Variants in CAMTA1 observed in about 807,000 individuals in gnomAD.
CAMTA1 encodes the protein calmodulin-binding transcription activator 1.
Under a neutral mutation model 170.9 loss-of-function variants are expected in CAMTA1, and 27 were observed. The observed-to-expected ratio is 0.16, with a 90% CI of 0.12 to 0.22. The LOEUF (loss-of-function observed/expected upper bound fraction) is 0.22, where lower values mean the gene tolerates loss of function less well. Among genes scored for constraint, CAMTA1 ranks in the 10% least tolerant of loss-of-function variants. CAMTA1 has a pLI of 1.00. For synonymous variants in CAMTA1, 833 were observed against 891.5 expected, an observed-to-expected ratio of 0.93 and a Z score of 1.17; for missense variants, 1,619 against 2,217.2, an observed-to-expected ratio of 0.73 and a Z score of 5.42.
intron 4 of CAMTA1, among the ~76,000 whole-genome samples, chr1:7,232,821 G>T (rs907941047): frequency 6.6e-6 from 1 of 152,114 alleles, no homozygotes; most frequent in Non-Finnish European, 1.5e-5. Flanking sequence ...GTTTTCATCC[G>T]AATGGCTCCA....
chr1:6,919,847 A>G (rs554581679), intron 3 of CAMTA1, among the ~76,000 whole-genome samples: 1 of 152,228 alleles, frequency 6.6e-6, no homozygotes, highest in African/African-American at 2.4e-5. Flanking sequence ...CGCTATTACG[A>G]GAACAGCATG....
chr1:6,820,276 T>TA, intron 2 of CAMTA1, 26 bp downstream of exon 2: 1 of 1,613,502 alleles, frequency 6.2e-7, no homozygotes, highest in Non-Finnish European at 8.5e-7. Context: ...GCTTTTGACT[T>TA]ACAGGAAGGG....
intron 22 of CAMTA1, among the ~76,000 whole-genome samples, chr1:7,757,856 C>CTA (rs1296561496): frequency 2.0e-5 from 3 of 152,112 alleles, no homozygotes; most frequent in Non-Finnish European, 2.9e-5. Context: ...AAAAAAGCAG[C>CTA]TATACTCTTA....
At chr1:6,815,410 C>T (rs542757757) in intron 1 of CAMTA1, among the ~76,000 whole-genome samples, 1 of 152,266 alleles carries the variant, frequency 6.6e-6, no homozygotes, top group African/African-American at 2.4e-5. Flanking sequence ...TGCCATGTTG[C>T]CCAGGCTGGT....
At chr1:7,458,638 T>C (rs17030902) in intron 5 of CAMTA1, among the ~76,000 whole-genome samples, 4,693 of 152,304 alleles carry the variant, frequency 0.031, 115 homozygotes, top group East Asian at 0.096. Context: ...CTAGTCCCAC[T>C]TGGGGAGCCT....
intron 3 of CAMTA1, among the ~76,000 whole-genome samples, chr1:7,006,253 T>C (rs145083174): frequency 3.7e-4 from 56 of 152,342 alleles, no homozygotes; most frequent in African/African-American, 1.3e-3. Flanking sequence ...TGGTAAGATC[T>C]GGTAGGCAGA....
At chr1:7,124,937 G>T (rs1307840567) in intron 4 of CAMTA1, among the ~76,000 whole-genome samples, 1 of 152,170 alleles carries the variant, frequency 6.6e-6, no homozygotes, top group Non-Finnish European at 1.5e-5. Flanking sequence ...AGGAGATTTT[G>T]TCGGGGGAAG....
chr1:7,607,232 G>A (rs986970130), intron 6 of CAMTA1, among the ~76,000 whole-genome samples: 1 of 151,258 alleles, frequency 6.6e-6, no homozygotes, highest in Non-Finnish European at 1.5e-5. Context: ...AGGTGGATGG[G>A]CAGCTGGATG....
intron 3 of CAMTA1, among the ~76,000 whole-genome samples, chr1:6,826,473 T>G (rs1313376188): frequency 6.6e-6 from 1 of 152,226 alleles, no homozygotes; most frequent in Admixed American, 6.5e-5. Context: ...GTCTTAATCA[T>G]AGTTTGTTAC....
At chr1:7,182,042 A>C (rs539478608) in intron 4 of CAMTA1, among the ~76,000 whole-genome samples, 1 of 150,646 alleles carries the variant, frequency 6.6e-6, no homozygotes, top group Admixed American at 6.6e-5. Flanking sequence ...GAAAGTCTTG[A>C]AATAGACCCC....
At position 7,035,466 on chromosome 1, in the gene CAMTA1, G is replaced by A. The variant is rs117141620; in HGVS notation, c.235-55838G>A. On this transcript the variant is annotated intron_variant, in intron 3 of 22. Transcript: ENST00000303635. ...TTCTAAAGTAAAACTGGCAAAGCGT[G>A]TGTGCATGTGTGTGTGTTTTTCTGT... is the stretch of plus-strand genomic sequence containing the variant. 9.7e-4 allele frequency among the ~76,000 whole-genome samples: 148 copies of A among 152,294 alleles called. 4 individuals are homozygous for A. In the East Asian group the frequency reaches 0.027, roughly 28 times the overall value.
At chr1:6,881,337 T>C (rs1161079830) in intron 3 of CAMTA1, among the ~76,000 whole-genome samples, 3 of 152,170 alleles carry the variant, frequency 2.0e-5, no homozygotes, top group Non-Finnish European at 2.9e-5. Context: ...CGGGTATCTC[T>C]CATGAGGTGA....
At chr1:7,581,626 A>G (rs2095261741) in intron 6 of CAMTA1, among the ~76,000 whole-genome samples, 1 of 152,254 alleles carries the variant, frequency 6.6e-6, no homozygotes, top group African/African-American at 2.4e-5. Flanking sequence ...GGACCGGCCA[A>G]GAGTGGGCCT....
intron 3 of CAMTA1, among the ~76,000 whole-genome samples, chr1:6,924,959 G>T (rs962163548): frequency 6.6e-6 from 1 of 152,232 alleles, no homozygotes; most frequent in African/African-American, 2.4e-5. Context: ...ATATGGTTGG[G>T]GGGGACTGTG....
intron 1 of CAMTA1, among the ~76,000 whole-genome samples, chr1:6,800,038 C>T (rs180707434): frequency 2.6e-5 from 4 of 152,216 alleles, no homozygotes; most frequent in Admixed American, 2.0e-4. Flanking sequence ...TACAGACACT[C>T]AGATATCTCC....
intron 5 of CAMTA1, among the ~76,000 whole-genome samples, chr1:7,357,000 G>A (rs2085167126): frequency 6.6e-6 from 1 of 152,104 alleles, no homozygotes; most frequent in Non-Finnish European, 1.5e-5. Flanking sequence ...TCCCATCATG[G>A]GCTTTTCAAT....
intron 3 of CAMTA1, among the ~76,000 whole-genome samples, chr1:6,909,636 C>T (rs1357933409): frequency 6.6e-6 from 1 of 152,224 alleles, no homozygotes; most frequent in Non-Finnish European, 1.5e-5. Flanking sequence ...CCTAAGGGGC[C>T]TCTGCCTGCC....
At chr1:7,352,660 GC>G (rs1360249149) in intron 5 of CAMTA1, among the ~76,000 whole-genome samples, 1 of 152,172 alleles carries the variant, frequency 6.6e-6, no homozygotes, top group African/African-American at 2.4e-5. Context: ...CCTGGCCTCA[GC>G]CCAGCAGGCT....
chr1:7,105,574 C>G (rs1573088722), intron 4 of CAMTA1, among the ~76,000 whole-genome samples: 1 of 152,308 alleles, frequency 6.6e-6, no homozygotes, highest in South Asian at 2.1e-4. Flanking sequence ...AATTGGAACA[C>G]AGTTTATTAT....
Sources: allele counts gnomAD v4.1 joint callset (sites outside exome capture counted in the v4.1 genomes callset), GRCh38; gene constraint gnomAD v4.1.1; transcripts MANE v1.5; gene names NCBI Gene and HGNC (gene_info 2026-07-23, HGNC 2026-07-21).